ASCC1: variants seen among roughly 807,000 people sequenced by gnomAD.
The protein encoded by ASCC1 is ASC-1 complex subunit P50.
ASCC1 carries 35 observed loss-of-function variants against 46.6 expected under a neutral mutation model. The ratio of observed to expected loss-of-function variants is 0.75; its 90% confidence interval spans 0.57 to 0.99. The LOEUF (loss-of-function observed/expected upper bound fraction) is 0.99, where lower values mean the gene tolerates loss of function less well. ASCC1 is among the 50% of genes least tolerant of loss of function. The pLI, the probability that ASCC1 is intolerant of heterozygous loss-of-function variation, is 0.00. For missense variants in ASCC1, 376 were observed against 428.7 expected (o/e 0.88, Z 1.09); for synonymous variants, 143 against 146.6 (o/e 0.98, Z 0.18).
chr10:72,203,347 C>G, intron 4 of ASCC1, 80 bp downstream of exon 4: 4 of 1,010,620 alleles, frequency 4.0e-6, no homozygotes, highest in Non-Finnish European at 4.7e-6. Context: ...AACATAGTTA[C>G]TAAACACTGC....
chr10:72,161,719 G>A, intron 5 of ASCC1, 45 bp from the exon 6 acceptor site: 1 of 1,612,330 alleles, frequency 6.2e-7, no homozygotes, highest in East Asian at 2.2e-5. Context: ...CCATACAAAG[G>A]CAAATGGCAA....
At chr10:72,145,468 T>G (rs977258522) in intron 7 of ASCC1, among the ~76,000 whole-genome samples, 1 of 152,208 alleles carries the variant, frequency 6.6e-6, no homozygotes, top group Non-Finnish European at 1.5e-5. Flanking sequence ...CCCACCACTC[T>G]TAGCCTGCAA....
rs2132124895 is a variant in ASCC1, at chr10:72,120,109, T to A, written c.957+7973A>T. On this transcript the variant is annotated intron_variant, in intron 9 of 9. Coordinates refer to ENST00000672957, the MANE Select transcript of ASCC1 (RefSeq NM_001198800.3). ...CAGATATGATGGCGGGTGCCTGTAA[T>A]CCCAGATACTCGGGAGGCTGAGGCG... 2.0e-5 allele frequency among the ~76,000 whole-genome samples: 3 copies of A among 152,170 alleles called. 1 individual carries two copies. Among genetic ancestry groups the A allele is most frequent in the Admixed American group, 2.0e-4 (3 of 15,282 alleles).
At chr10:72,216,890 G>T, upstream of ASCC1, 2 of 456,214 alleles carry the variant, frequency 4.4e-6, no homozygotes, top group Non-Finnish European at 8.8e-6. Context: ...GGGCACCTCC[G>T]GTGGGCCTGG....
intron 4 of ASCC1, among the ~76,000 whole-genome samples, chr10:72,202,278 C>T (rs1856605959): frequency 2.0e-5 from 3 of 152,004 alleles, no homozygotes; most frequent in Admixed American, 2.0e-4. Context: ...ACCAGCCTGG[C>T]CAACATGGCG....
At chr10:72,139,322 GC>G (rs1419900725) in intron 7 of ASCC1, among the ~76,000 whole-genome samples, 1 of 151,690 alleles carries the variant, frequency 6.6e-6, no homozygotes, top group East Asian at 1.9e-4. Flanking sequence ...CACCGTGTTA[GC>G]CAGGATGGTC....
intron 8 of ASCC1, among the ~76,000 whole-genome samples, chr10:72,128,392 G>A (rs537562168): frequency 6.6e-6 from 1 of 152,090 alleles, no homozygotes; most frequent in Admixed American, 6.6e-5. Flanking sequence ...CTATTCATTC[G>A]ACATTCTCCA....
intron 5 of ASCC1, among the ~76,000 whole-genome samples, chr10:72,174,695 C>A (rs1851651784): frequency 6.6e-6 from 1 of 152,196 alleles, no homozygotes; most frequent in African/African-American, 2.4e-5. Flanking sequence ...CTTTTAGGAA[C>A]TCCAGGTATA....
At chr10:72,123,182 A>T (rs145687366) in intron 9 of ASCC1, among the ~76,000 whole-genome samples, 3,809 of 151,760 alleles carry the variant, frequency 0.025, 69 homozygotes, top group Non-Finnish European at 0.041. Flanking sequence ...CTAAAAATAC[A>T]AAAAAAATTA....
intron 9 of ASCC1, chr10:72,102,506 T>C (rs1242308739): frequency 6.0e-6 from 6 of 1,000,894 alleles, no homozygotes; most frequent in East Asian, 2.6e-5. Context: ...ACTAGGGAAA[T>C]GAACCTTTTT....
chr10:72,152,312 G>C (rs1180042539), intron 7 of ASCC1, among the ~76,000 whole-genome samples: 1 of 151,736 alleles, frequency 6.6e-6, no homozygotes, highest in African/African-American at 2.4e-5. Context: ...TTACGGGCGT[G>C]AGCCACCATG....
At chr10:72,191,046 A>AGC (rs1273970487) in intron 5 of ASCC1, among the ~76,000 whole-genome samples, 3 of 149,294 alleles carry the variant, frequency 2.0e-5, no homozygotes, top group Non-Finnish European at 4.5e-5. Flanking sequence ...GAAGACAGTA[A>AGC]GCGGTGGTGT....
At chr10:72,122,711 G>A (rs187381514) in intron 9 of ASCC1, among the ~76,000 whole-genome samples, 54 of 152,122 alleles carry the variant, frequency 3.5e-4, no homozygotes, top group African/African-American at 1.1e-3. Flanking sequence ...CCATGAGTTC[G>A]AGGCTGCGAT....
intron 5 of ASCC1, among the ~76,000 whole-genome samples, chr10:72,172,292 G>A (rs544340996): frequency 5.9e-4 from 90 of 151,592 alleles, no homozygotes; most frequent in African/African-American, 2.1e-3. Flanking sequence ...GTGCACAACT[G>A]TAATCCCAGC....
upstream of ASCC1, chr10:72,217,094 A>G (rs1251399749): frequency 1.1e-5 from 5 of 453,850 alleles, no homozygotes; most frequent in Admixed American, 1.2e-4. Context: ...CACAGTGGAA[A>G]CACTGCCCCA....
chr10:72,104,987 A>C (rs1842184634), intron 9 of ASCC1, among the ~76,000 whole-genome samples: 1 of 152,130 alleles, frequency 6.6e-6, no homozygotes, highest in African/African-American at 2.4e-5. Flanking sequence ...CTTTGGGGTA[A>C]GATTACTTGC....
chr10:72,209,605 G>C (rs971126720), intron 3 of ASCC1, among the ~76,000 whole-genome samples: 1 of 151,580 alleles, frequency 6.6e-6, no homozygotes, highest in Admixed American at 6.6e-5. Context: ...CCAACATGGC[G>C]AAACCCCATC....
chr10:72,168,149 C>T (rs1273176868), intron 5 of ASCC1, among the ~76,000 whole-genome samples: 1 of 152,102 alleles, frequency 6.6e-6, no homozygotes, highest in Non-Finnish European at 1.5e-5. Flanking sequence ...CGAGATCGTG[C>T]CATTGCACTC....
chr10:72,151,829 C>T (rs929550500), intron 7 of ASCC1, among the ~76,000 whole-genome samples: 6 of 151,394 alleles, frequency 4.0e-5, no homozygotes, highest in Non-Finnish European at 8.8e-5. Context: ...GCTGGGACTA[C>T]AGGAGCATGC....
Sources: allele counts gnomAD v4.1 joint callset (sites outside exome capture counted in the v4.1 genomes callset), GRCh38; gene constraint gnomAD v4.1.1; transcripts MANE v1.5; gene names NCBI Gene and HGNC (gene_info 2026-07-23, HGNC 2026-07-21).